FHL2: variants seen among roughly 807,000 people sequenced by gnomAD.
FHL2 encodes four and a half LIM domains 2.
In FHL2, 20 loss-of-function variants were observed where a neutral mutation model predicts 32.7. The observed-to-expected ratio is 0.61, with a 90% CI of 0.43 to 0.89. The LOEUF is 0.89. FHL2 is among the 40% of genes least tolerant of loss of function. The pLI, the probability that FHL2 is intolerant of heterozygous loss-of-function variation, is 0.00. For missense variants in FHL2, 311 were observed against 358.6 expected (o/e 0.87, Z 1.07); for synonymous variants, 123 against 128.1 (o/e 0.96, Z 0.27).
intron 1 of FHL2, among the ~76,000 whole-genome samples, chr2:105,431,136 C>T (rs1425313570): frequency 1.3e-5 from 2 of 152,118 alleles, no homozygotes; most frequent in African/African-American, 4.8e-5. Flanking sequence ...ATATGAATTA[C>T]AGTCAAAAAG....
chr2:105,390,775 A>G (rs1682666555), intron 2 of FHL2, among the ~76,000 whole-genome samples: 1 of 150,838 alleles, frequency 6.6e-6, no homozygotes, highest in African/African-American at 2.4e-5. Flanking sequence ...ATTGTCCTGT[A>G]TTAGAAATCT....
chr2:105,421,999 C>T (rs1225827780), intron 1 of FHL2, among the ~76,000 whole-genome samples: 3 of 152,188 alleles, frequency 2.0e-5, no homozygotes, highest in African/African-American at 4.8e-5. Flanking sequence ...TCCTGGGGTC[C>T]TGTTGCGTGC....
intron 3 of FHL2, 85 bp downstream of exon 3, chr2:105,386,276 T>C: frequency 6.7e-6 from 10 of 1,488,672 alleles, no homozygotes; most frequent in Non-Finnish European, 9.2e-6. Context: ...ACTTCAGTGG[T>C]GGATCAGGGC....
chr2:105,416,719 A>T (rs764119492), intron 1 of FHL2, among the ~76,000 whole-genome samples: 1 of 152,252 alleles, frequency 6.6e-6, no homozygotes, highest in African/African-American at 2.4e-5. Context: ...AACAAATTAC[A>T]GTAATTGATA....
intron 1 of FHL2, among the ~76,000 whole-genome samples, chr2:105,415,654 C>T (rs1170158851): frequency 6.6e-6 from 1 of 152,170 alleles, no homozygotes; most frequent in Non-Finnish European, 1.5e-5. Context: ...CTGAAAATCA[C>T]ATTAAAATGT....
intron 1 of FHL2, among the ~76,000 whole-genome samples, chr2:105,438,072 G>C (rs1684664964): frequency 6.6e-6 from 1 of 152,172 alleles, no homozygotes. Flanking sequence ...GTTCAAAACA[G>C]ATTCCCACTG....
In FHL2 at chr2:105,383,927, C is replaced by T. The variant is rs144309664; in HGVS notation, c.156+2434G>A. 4.0e-3 allele frequency among the ~76,000 whole-genome samples: 602 copies of T among 152,264 alleles called. 9 individuals carry two copies. The highest frequency in any genetic ancestry group is 0.013 in the African/African-American group (533 of 41,536). ...CCCCACGTATCTCAAAACATTAATC[C>T]GGGTTGAAAAGTTCAGCACAATTCA... is the stretch of plus-strand genomic sequence containing the variant. On this transcript the variant is annotated intron_variant, in intron 3 of 6. Transcript: ENST00000530340.
chr2:105,358,887 A>G (rs1039777303), downstream of FHL2: 1 of 151,954 alleles, frequency 6.6e-6, no homozygotes, highest in Non-Finnish European at 1.5e-5. Context: ...CCTTTTCAGG[A>G]TTTTCTTCCT....
At chr2:105,420,609 G>A (rs764861013) in intron 1 of FHL2, among the ~76,000 whole-genome samples, 14 of 152,168 alleles carry the variant, frequency 9.2e-5, no homozygotes, top group Non-Finnish European at 1.8e-4. Flanking sequence ...GAGGGATGGC[G>A]AGGAGGAACT....
At chr2:105,433,215 C>T (rs1684489744) in intron 1 of FHL2, among the ~76,000 whole-genome samples, 1 of 147,640 alleles carries the variant, frequency 6.8e-6, no homozygotes. Context: ...GAGTCTCTCT[C>T]TGTCACCCTG....
chr2:105,428,223 A>G (rs1001572789), intron 1 of FHL2, among the ~76,000 whole-genome samples: 1 of 152,108 alleles, frequency 6.6e-6, no homozygotes, highest in Non-Finnish European at 1.5e-5. Context: ...CCCCCAAGTG[A>G]GTGGAGGTAT....
At chr2:105,373,763 G>A (rs1573307264) in intron 3 of FHL2, 30 bp from the exon 4 acceptor site, 1 of 1,612,296 alleles carries the variant, frequency 6.2e-7, no homozygotes, top group Non-Finnish European at 8.5e-7. Flanking sequence ...AAGACAGTCA[G>A]AGGCAGGACA....
At chr2:105,418,242 T>G (rs1033215400) in intron 1 of FHL2, among the ~76,000 whole-genome samples, 1 of 152,150 alleles carries the variant, frequency 6.6e-6, no homozygotes, top group Admixed American at 6.5e-5. Context: ...ATCATTGAGA[T>G]AGTGCTGGGC....
rs569690774 is a variant in FHL2, at chr2:105,435,003, T to C, written c.-25+3396A>G. On this transcript the variant is annotated intron_variant, in intron 1 of 5. Coordinates refer to the FHL2 transcript ENST00000393352. ...CGAAAACTTTCATGATCAGACTTAG[T>C]ATAGAAAATTTAGTAAACTATTTAA... is the stretch of plus-strand genomic sequence containing the variant. 2.6e-5 allele frequency among the ~76,000 whole-genome samples: 4 copies of C among 152,340 alleles called. No homozygotes were observed. The East Asian group carries it at 7.7e-4, about 29-fold the overall frequency.
At chr2:105,409,301 C>T (rs1044857891) in intron 1 of FHL2, among the ~76,000 whole-genome samples, 28 of 152,174 alleles carry the variant, frequency 1.8e-4, no homozygotes, top group African/African-American at 6.8e-4. Context: ...AACAAGGGCG[C>T]TGGGTGTAAT....
chr2:105,400,006 G>T (rs779375236), upstream of FHL2, among the ~76,000 whole-genome samples: 1 of 152,154 alleles, frequency 6.6e-6, no homozygotes, highest in African/African-American at 2.4e-5. Flanking sequence ...GATACTCTCC[G>T]TCTGGTAGGC....
chr2:105,427,553 T>C (rs1684303142), intron 1 of FHL2, among the ~76,000 whole-genome samples: 1 of 152,162 alleles, frequency 6.6e-6, no homozygotes, highest in Non-Finnish European at 1.5e-5. Flanking sequence ...AACTCTCAAA[T>C]GTCAATAATC....
intron 4 of FHL2, among the ~76,000 whole-genome samples, chr2:105,369,170 A>G (rs1396353962): frequency 6.6e-6 from 1 of 152,128 alleles, no homozygotes; most frequent in Non-Finnish European, 1.5e-5. Context: ...CATACATGTG[A>G]CTTCAACTGG....
intron 5 of FHL2, among the ~76,000 whole-genome samples, chr2:105,365,673 A>AC (rs200526579): frequency 0.14 from 20,216 of 146,548 alleles, 1,693 homozygotes; most frequent in East Asian, 0.3. Context: ...CGTCTCTACT[A>AC]CAAAAAAAAA....
Sources: allele counts gnomAD v4.1 joint callset (sites outside exome capture counted in the v4.1 genomes callset), GRCh38; gene constraint gnomAD v4.1.1; transcripts MANE v1.5; gene names NCBI Gene and HGNC (gene_info 2026-07-23, HGNC 2026-07-21).